The following LRRC4C variants were observed in gnomAD, a reference collection of about 807,000 sequenced individuals.
LRRC4C encodes leucine-rich repeat-containing protein 4C.
In LRRC4C, 5 loss-of-function variants were observed where a neutral mutation model predicts 33.6. The observed-to-expected ratio is 0.15, with a 90% CI of 0.08 to 0.31. The LOEUF (loss-of-function observed/expected upper bound fraction) is 0.31, where lower values mean the gene tolerates loss of function less well. Ranked by LOEUF, LRRC4C falls within the 10% of genes least tolerant of loss-of-function variation. The pLI is 1.00. For synonymous variants in LRRC4C, 329 were observed against 302.0 expected (o/e 1.09, Z -0.93); for missense variants, 560 against 796.7 (o/e 0.70, Z 3.58).
chr11:41,386,657 A>AT (rs1306554981), intron 1 of LRRC4C, among the ~76,000 whole-genome samples: 8 of 151,712 alleles, frequency 5.3e-5, no homozygotes, highest in Admixed American at 5.3e-4. Flanking sequence ...AATCTTCTAC[A>AT]TTTCTGTAGC....
intron 1 of LRRC4C, among the ~76,000 whole-genome samples, chr11:41,433,148 G>C (rs2138440650): frequency 6.6e-6 from 1 of 152,172 alleles, no homozygotes; most frequent in East Asian, 1.9e-4. Flanking sequence ...TCAGAAAATA[G>C]TATGTGAAAC....
At chr11:40,436,251 A>G (rs1321770756) in intron 3 of LRRC4C, among the ~76,000 whole-genome samples, 1 of 152,240 alleles carries the variant, frequency 6.6e-6, no homozygotes, top group Non-Finnish European at 1.5e-5. Flanking sequence ...TAATAATTAA[A>G]TATAAACAGA....
At position 40,996,158 on chromosome 11, in the gene LRRC4C, T is replaced by A. The variant is rs2137312768; in HGVS notation, c.-495-62435A>T. 1.3e-5 allele frequency among the ~76,000 whole-genome samples: 2 copies of A among 152,284 alleles called. 1 individual carries two copies. Among genetic ancestry groups the A allele is most frequent in the Non-Finnish European group, 2.9e-5 (2 of 68,016 alleles). The stretch of plus-strand genomic sequence containing the variant: ...AATAAAATAATTTGTAGTTACCAAA[T>A]GAAATTTGTTTTCTTTATGTTAATG... On this transcript the variant is annotated intron_variant, in intron 1 of 6. Coordinates refer to ENST00000528697, the MANE Select transcript of LRRC4C (RefSeq NM_001258419.2).
intron 1 of LRRC4C, among the ~76,000 whole-genome samples, chr11:40,955,129 C>T (rs1417821988): frequency 6.6e-6 from 1 of 151,740 alleles, no homozygotes; most frequent in Non-Finnish European, 1.5e-5. Flanking sequence ...GTTGCCATGA[C>T]ATATCAATAT....
At chr11:41,322,554 A>T (rs909975705) in intron 1 of LRRC4C, among the ~76,000 whole-genome samples, 1 of 152,116 alleles carries the variant, frequency 6.6e-6, no homozygotes, top group Non-Finnish European at 1.5e-5. Flanking sequence ...AAAATATAAT[A>T]CCTATTTGTC....
chr11:40,702,136 T>A (rs1317047728), intron 2 of LRRC4C, among the ~76,000 whole-genome samples: 1 of 152,072 alleles, frequency 6.6e-6, no homozygotes, highest in East Asian at 1.9e-4. Context: ...TATTATGCAT[T>A]TGGGAGTTTT....
intron 1 of LRRC4C, among the ~76,000 whole-genome samples, chr11:41,358,706 C>T (rs2137646217): frequency 6.6e-6 from 1 of 152,174 alleles, no homozygotes; most frequent in Middle Eastern, 3.4e-3. Context: ...ATTAGAATGG[C>T]CCAAATCTGG....
chr11:41,027,682 G>C lies in LRRC4C; in HGVS notation c.-495-93959C>G, dbSNP rs527517864. On this transcript the variant is annotated intron_variant, in intron 1 of 6. Transcript: ENST00000528697. ...TTTTACTAAAATTCAACAATCATAGGAATAGTCTAGGCAATTTTCCTAAAG... is the reference window on the plus strand; with the variant it reads ...TTTTACTAAAATTCAACAATCATAGCAATAGTCTAGGCAATTTTCCTAAAG... Among the ~76,000 whole-genome samples the C allele has an allele frequency of 1.4e-4, 21 of 151,672 alleles. No individual in the cohort carries two copies. The South Asian group carries it at 3.1e-3, about 23-fold the overall frequency.
At chr11:41,183,706 C>G (rs1945558157) in intron 1 of LRRC4C, among the ~76,000 whole-genome samples, 1 of 152,178 alleles carries the variant, frequency 6.6e-6, no homozygotes, top group South Asian at 2.1e-4. Flanking sequence ...AGGACAGTGG[C>G]CCTCTTCTCA....
At chr11:41,180,162 G>A (rs1014323189) in intron 1 of LRRC4C, among the ~76,000 whole-genome samples, 1 of 152,120 alleles carries the variant, frequency 6.6e-6, no homozygotes, top group Non-Finnish European at 1.5e-5. Flanking sequence ...TCCTGAGCTG[G>A]GAAAAGAAGC....
intron 3 of LRRC4C, among the ~76,000 whole-genome samples, chr11:40,552,906 T>C (rs1957182435): frequency 6.6e-6 from 1 of 152,132 alleles, no homozygotes; most frequent in Admixed American, 6.6e-5. Flanking sequence ...ATTTTAGTCT[T>C]GAAAAATAGA....
chr11:40,683,611 C>T (rs1277695701), intron 2 of LRRC4C, among the ~76,000 whole-genome samples: 1 of 152,076 alleles, frequency 6.6e-6, no homozygotes, highest in Non-Finnish European at 1.5e-5. Flanking sequence ...ATCATATGTA[C>T]TGAAGCTGTC....
intron 2 of LRRC4C, among the ~76,000 whole-genome samples, chr11:40,721,867 G>A (rs1267163776): frequency 6.6e-6 from 1 of 152,208 alleles, no homozygotes; most frequent in Non-Finnish European, 1.5e-5. Flanking sequence ...CGTGAACCCA[G>A]GAGGCAGAGC....
At chr11:40,967,734 C>G (rs1169822255) in intron 1 of LRRC4C, among the ~76,000 whole-genome samples, 1 of 151,748 alleles carries the variant, frequency 6.6e-6, no homozygotes, top group Admixed American at 6.6e-5. Flanking sequence ...CTCCATTAAC[C>G]AGCTGTTATG....
At chr11:40,578,713 G>A (rs1415749129) in intron 3 of LRRC4C, among the ~76,000 whole-genome samples, 1 of 152,162 alleles carries the variant, frequency 6.6e-6, no homozygotes, top group African/African-American at 2.4e-5. Context: ...AGTGTGTTTA[G>A]AGGACAAATT....
intron 2 of LRRC4C, among the ~76,000 whole-genome samples, chr11:40,702,875 G>C (rs964577501): frequency 6.6e-6 from 1 of 152,026 alleles, no homozygotes; most frequent in Non-Finnish European, 1.5e-5. Flanking sequence ...TCATCCCCCT[G>C]TGTGAAAAGG....
intron 1 of LRRC4C, among the ~76,000 whole-genome samples, chr11:41,234,276 T>C (rs1477275915): frequency 2.0e-5 from 3 of 152,050 alleles, no homozygotes; most frequent in African/African-American, 7.2e-5. Context: ...ATGTACAGCA[T>C]GTTGTTTTGA....
At chr11:40,795,718 A>C (rs2135216837) in intron 2 of LRRC4C, among the ~76,000 whole-genome samples, 1 of 152,294 alleles carries the variant, frequency 6.6e-6, no homozygotes, top group Admixed American at 6.5e-5. Flanking sequence ...TTAATAATAT[A>C]TCCTTAATGT....
chr11:40,308,005 G>C (rs1161963679), intron 4 of LRRC4C, among the ~76,000 whole-genome samples: 40 of 152,204 alleles, frequency 2.6e-4, no homozygotes, highest in Admixed American at 2.6e-3. Flanking sequence ...TTTGCCTACT[G>C]ATGGAATTTG....
Sources: gnomAD v4.1 joint callset for allele counts (sites outside exome capture counted in the v4.1 genomes callset) on GRCh38, gnomAD v4.1.1 for gene constraint, MANE v1.5 for transcripts, NCBI Gene and HGNC (gene_info 2026-07-23, HGNC 2026-07-21) for gene names.